Variants in PCDHA8 observed in about 807,000 individuals in gnomAD.
PCDHA8 encodes the protein protocadherin alpha-8.
In PCDHA8, 53 loss-of-function variants were observed where a neutral mutation model predicts 61.8. The ratio of observed to expected loss-of-function variants is 0.86; its 90% CI spans 0.69 to 1.08. PCDHA8 has a LOEUF of 1.08. Among genes scored for constraint, PCDHA8 ranks in the 50% least tolerant of loss-of-function variants. The pLI, the probability that PCDHA8 is intolerant of heterozygous loss-of-function variation, is 0.00. For missense variants in PCDHA8, 1,293 were observed against 1,245.0 expected, an observed-to-expected ratio of 1.04 and a Z score of -0.58; for synonymous variants, 618 against 556.6, an observed-to-expected ratio of 1.11 and a Z score of -1.55.
chr5:140,926,755 T>G, intron 1 of PCDHA8: 4 of 1,282,566 alleles, frequency 3.1e-6, no homozygotes, highest in Non-Finnish European at 4.0e-6. Context: ...CGGCGGTCGC[T>G]GAGTATCCAG....
intron 1 of PCDHA8, chr5:140,967,577 C>G (rs141338011): frequency 1.2e-6 from 2 of 1,614,016 alleles, no homozygotes; most frequent in Non-Finnish European, 1.7e-6. Flanking sequence ...GGAGGACTCA[C>G]CCCCAGGCAC....
rs1237293055 is a variant in PCDHA8 at position 140,848,212 on chromosome 5, G to T, written c.2394+4497G>T. ...TTCTGTTTCAACAATCATTACTTAA[G>T]AAAAAATTAAGAAAATGAAATAAGT... On this transcript the variant is annotated intron_variant, in intron 1 of 3. Transcript: ENST00000531613. The T allele has an allele frequency of 5.6e-6, 2 of 355,864 alleles. 1 individual carries two copies. Among genetic ancestry groups the T allele is most frequent in the Non-Finnish European group, 1.0e-5 (2 of 196,396 alleles). The allele number at this position is 355,864 out of a possible 1,614,324, so 22.0% of individuals were successfully genotyped here.
chr5:140,884,327 G>A (rs1400364790), intron 1 of PCDHA8: 1 of 1,613,894 alleles, frequency 6.2e-7, no homozygotes, highest in Non-Finnish European at 8.5e-7. Context: ...GGCAGGCGCT[G>A]TGGGTCCAGA....
At chr5:140,945,527 C>A (rs1268496424) in intron 1 of PCDHA8, among the ~76,000 whole-genome samples, 2 of 151,828 alleles carry the variant, frequency 1.3e-5, no homozygotes, top group African/African-American at 4.8e-5. Context: ...ATAAATAAAA[C>A]AAAACATACA....
chr5:140,953,443 A>G (rs1434216967), intron 1 of PCDHA8, among the ~76,000 whole-genome samples: 1 of 152,078 alleles, frequency 6.6e-6, no homozygotes, highest in Non-Finnish European at 1.5e-5. Flanking sequence ...TGGAGAAACT[A>G]GGGATTATCT....
chr5:140,937,785 G>T (rs962276976), intron 1 of PCDHA8, among the ~76,000 whole-genome samples: 2 of 150,438 alleles, frequency 1.3e-5, no homozygotes, highest in African/African-American at 4.9e-5. Flanking sequence ...GGTGGCGGGC[G>T]TATGTAGTCC....
At chr5:140,985,062 T>C (rs2097134097) in intron 3 of PCDHA8, among the ~76,000 whole-genome samples, 1 of 152,058 alleles carries the variant, frequency 6.6e-6, no homozygotes, top group African/African-American at 2.4e-5. Flanking sequence ...CTCAGCCTCC[T>C]GAGTAGCTGA....
At chr5:140,872,801 C>T (rs2053909345) in intron 1 of PCDHA8, among the ~76,000 whole-genome samples, 1 of 152,086 alleles carries the variant, frequency 6.6e-6, no homozygotes, top group African/African-American at 2.4e-5. Context: ...GGCATTCTTC[C>T]ATAAGTTTTT....
rs2150361348 is a variant in PCDHA8, at chr5:140,843,506, G to T, written c.2185G>T (p.Glu729Ter). 1.9e-6 allele frequency: 3 copies of T among 1,596,028 alleles called. No homozygotes were observed. The East Asian group carries it at 6.7e-5, about 36-fold the overall frequency. Residue 729 changes from glutamate to a stop codon, truncating the protein, a stop_gained, in exon 1 of 4, where the codon GAG (glutamate) becomes TAG (stop). Coordinates refer to ENST00000531613, the MANE Select transcript of PCDHA8 (RefSeq NM_018911.3). LOFTEE classifies it high-confidence loss of function. ...TALRCSALPT[E>*]GGCRAGKPTL... ...GCTGCGGTGCTCAGCACTGCCCACT[G>T]AGGGCGGGTGCCGGGCGGGCAAGCC...
At chr5:140,912,209 G>T (rs1027468350) in intron 1 of PCDHA8, among the ~76,000 whole-genome samples, 8 of 152,158 alleles carry the variant, frequency 5.3e-5, no homozygotes, top group Non-Finnish European at 7.3e-5. Context: ...ATTGAGGGTA[G>T]ATCTGCCTTT....
At chr5:140,927,989 A>T (rs2084847354) in intron 1 of PCDHA8, 1 of 1,614,208 alleles carries the variant, frequency 6.2e-7, no homozygotes, top group African/African-American at 1.3e-5. Flanking sequence ...AGTGTAAAGG[A>T]TGAAGACCTC....
chr5:140,843,106 C>T lies in PCDHA8; in HGVS notation c.1785C>T (p.Arg595=). Residue 595 remains arginine, a synonymous_variant, in exon 1 of 4, where the codon CGC becomes CGT. Transcript: ENST00000531613. ...VGAGHVVAKV[R]AVDADSGYNA... is the part of the protein sequence containing the mutation. ...CGGGCCACGTGGTAGCGAAGGTGCG[C>T]GCAGTGGACGCCGACTCGGGCTACA... The T allele has an allele frequency of 1.9e-6, 3 of 1,595,704 alleles. No homozygotes were observed. The highest frequency in any genetic ancestry group is 2.6e-6 in the Non-Finnish European group (3 of 1,165,466).
Position 140,841,598 on chromosome 5 carries a change from G to T in PCDHA8, c.277G>T (p.Glu93Ter), listed in dbSNP as rs2150318945. 1.9e-6 allele frequency: 3 copies of T among 1,614,142 alleles called. No homozygotes were observed. The South Asian group carries it at 3.3e-5, about 18-fold the overall frequency. Residue 93 changes from glutamate (E) to a stop codon, truncating the protein, a stop_gained, in exon 1 of 4, where the codon GAG becomes TAG. Coordinates refer to ENST00000531613, the MANE Select transcript of PCDHA8 (RefSeq NM_018911.3). LOFTEE classifies it high-confidence loss of function. ...GTTTGTGAATTCTCGGATCGACCGCGAGGAGCTGTGCGGGCGGAGCGCGGA... is the reference window on the plus strand; with the variant it reads ...GTTTGTGAATTCTCGGATCGACCGCTAGGAGCTGTGCGGGCGGAGCGCGGA... ...ILFVNSRIDR[E>*]ELCGRSAECS...
In PCDHA8 at chr5:141,009,750, T is replaced by C; in HGVS notation, c.2666T>C (p.Ile889Thr). Residue 889 changes from isoleucine (I) to threonine (T), a missense_variant, in exon 4 of 4, where the codon ATT becomes ACT. By Grantham distance (89) the Ile-to-Thr change is moderately conservative. Coordinates refer to ENST00000531613, the MANE Select transcript of PCDHA8 (RefSeq NM_018911.3). ...CCCGGTGAGTTGCCCGACAAATTCA[T>C]TATCCCAGGATCTCCTGCAATCATC... ...SGPGELPDKF[I>T]IPGSPAIISI... 1.2e-6 allele frequency: 2 copies of C among 1,614,130 alleles called. No individual in the cohort carries two copies. The highest frequency in any genetic ancestry group is 3.3e-5 in the Admixed American group (2 of 60,026).
intron 1 of PCDHA8, among the ~76,000 whole-genome samples, chr5:140,952,912 C>A (rs1554220675): frequency 6.6e-6 from 1 of 152,042 alleles, no homozygotes; most frequent in East Asian, 1.9e-4. Flanking sequence ...GCTCATCTTA[C>A]ATGGCATGAG....
At chr5:140,869,908 C>G in intron 1 of PCDHA8, 4 of 1,610,646 alleles carry the variant, frequency 2.5e-6, no homozygotes, top group Non-Finnish European at 3.4e-6. Flanking sequence ...CGCCACAGAC[C>G]GAGACGAAGG....
chr5:140,963,861 G>A (rs2095794580), intron 1 of PCDHA8, among the ~76,000 whole-genome samples: 1 of 152,172 alleles, frequency 6.6e-6, no homozygotes, highest in Admixed American at 6.5e-5. Flanking sequence ...ATAACCGTAT[G>A]AGTTTTGCTT....
In PCDHA8 at chr5:140,843,548, A is replaced by G. The variant is rs2150362453; in HGVS notation, c.2227A>G (p.Ser743Gly). ...RAGKPTLVCS[S>G]AVGSWSYSQQ... is the part of the protein sequence containing the mutation. ...GGGCAAGCCCACTCTGGTGTGCTCC[A>G]GTGCGGTGGGGAGCTGGTCATACTC... Residue 743 changes from serine to glycine, a missense_variant, in exon 1 of 4, where the codon AGT becomes GGT. Physicochemically the swap from Ser to Gly is moderately conservative, Grantham distance 56 (BLOSUM62 0). Coordinates refer to ENST00000531613, the MANE Select transcript of PCDHA8 (RefSeq NM_018911.3). 4 of 1,595,966 alleles carry G rather than the reference A, an allele frequency of 2.5e-6. 1 individual carries two copies. The South Asian group carries it at 4.4e-5, about 18-fold the overall frequency.
At position 140,850,247 on chromosome 5, in the gene PCDHA8, G is replaced by T; in HGVS notation, c.2394+6532G>T. On this transcript the variant is annotated intron_variant, in intron 1 of 3. Coordinates refer to ENST00000531613, the MANE Select transcript of PCDHA8 (RefSeq NM_018911.3). ...CAGTGAGCGAGATGGTGCTGCGGTC[G>T]GTGGGCGCCGGCGTAGTGGTGGGGA... is the stretch of plus-strand genomic sequence containing the variant. 10 of 1,593,682 alleles carry T rather than the reference G, an allele frequency of 6.3e-6. 1 individual carries two copies. Among genetic ancestry groups the T allele is most frequent in the Non-Finnish European group, 8.6e-6 (10 of 1,166,960 alleles).
Sources: allele counts gnomAD v4.1 joint callset (sites outside exome capture counted in the v4.1 genomes callset), GRCh38; gene constraint gnomAD v4.1.1; transcripts MANE v1.5; gene names NCBI Gene and HGNC (gene_info 2026-07-23, HGNC 2026-07-21).